NEK5: variants seen among roughly 807,000 people sequenced by gnomAD.
NEK5 encodes the protein serine/threonine-protein kinase Nek5.
In NEK5, 88 loss-of-function variants were observed where a neutral mutation model predicts 109.2. That is an observed-to-expected ratio of 0.81 (90% confidence interval 0.68 to 0.96). The LOEUF is 0.96. Ranked by LOEUF, NEK5 falls within the 40% of genes least tolerant of loss-of-function variation. NEK5 has a pLI of 0.00. For synonymous variants in NEK5, 283 were observed against 299.9 expected (o/e 0.94, Z 0.58); for missense variants, 834 against 920.7 (o/e 0.91, Z 1.22).
rs1237322929 is a variant in NEK5, at chr13:52,034,651, T to G, written c.*2297A>C. The G allele has an allele frequency of 6.7e-6, 1 of 150,002 alleles. No homozygotes were observed. 9.3% of individuals were successfully genotyped at this position (150,002 alleles called of 1,614,324 possible). ...AAGTGATCCTCCCGCCTCAGCCTCC[T>G]GAAGAGCTGGGACCAGAGGTGCACA... is the stretch of plus-strand genomic sequence containing the variant. On this transcript the variant is annotated 3_prime_UTR_variant, in exon 24 of 24. Transcript: ENST00000684899.
At chr13:52,067,752 C>T (rs941775025) in intron 20 of NEK5, among the ~76,000 whole-genome samples, 2 of 144,948 alleles carry the variant, frequency 1.4e-5, no homozygotes, top group African/African-American at 5.1e-5. Flanking sequence ...AGTGTGGTGG[C>T]ACAATCTTGT....
At chr13:52,063,122 A>C (rs930147878) in intron 21 of NEK5, among the ~76,000 whole-genome samples, 1 of 151,372 alleles carries the variant, frequency 6.6e-6, no homozygotes, top group Non-Finnish European at 1.5e-5. Context: ...TCTGATGCCG[A>C]GCTGAAGCTG....
Position 52,061,847 on chromosome 13 carries a change from A to T in NEK5, c.2082T>A (p.Ser694Arg), listed in dbSNP as rs575181231. 1.2e-4 allele frequency: 120 copies of T among 985,774 alleles called. 1 individual carries two copies. The South Asian group carries it at 5.1e-3, about 42-fold the overall frequency. The allele number at this position is 985,774 out of a possible 1,614,324, so 61.1% of individuals were successfully genotyped here. A position where few individuals can be genotyped will look rare whatever the true frequency, so the allele number is the denominator to read the frequency against. The change falls in exon 22 of 24, where the codon AGT (serine) becomes AGA (arginine). Residue 694 changes from serine (S) to arginine (R), a missense_variant. Coordinates refer to ENST00000684899, the MANE Select transcript of NEK5 (RefSeq NM_001365552.1). Reference sequence around the variant, plus strand: ...ATTCTTCATCGGCAGAAAATGAGCTACTCGTTAGATGTGCTGCTGCCAAAA... The same window carrying T: ...ATTCTTCATCGGCAGAAAATGAGCTTCTCGTTAGATGTGCTGCTGCCAAAA... The part of the protein sequence containing the change: ...MSVLAAAHLT[S>R]SSFSADEEFA...
At chr13:52,111,141 T>C (rs1334441984) in intron 5 of NEK5, among the ~76,000 whole-genome samples, 1 of 152,216 alleles carries the variant, frequency 6.6e-6, no homozygotes, top group Non-Finnish European at 1.5e-5. Context: ...TTTGATTTTA[T>C]CTTTGTTGAC....
chr13:52,111,076 T>C (rs1955749882), intron 5 of NEK5, among the ~76,000 whole-genome samples: 1 of 152,166 alleles, frequency 6.6e-6, no homozygotes, highest in African/African-American at 2.4e-5. Flanking sequence ...GTATATCTAA[T>C]ATAAAACCAA....
At chr13:52,074,054 A>C (rs555988216) in intron 19 of NEK5, among the ~76,000 whole-genome samples, 16 of 152,228 alleles carry the variant, frequency 1.1e-4, no homozygotes, top group Non-Finnish European at 2.1e-4. Context: ...ATACTGCCCA[A>C]AGTAATCTAT....
rs1033714458 is a variant in NEK5, at chr13:52,096,198, T to G, written c.1027-2963A>C. On this transcript the variant is annotated intron_variant, in intron 12 of 23. Coordinates refer to ENST00000684899, the MANE Select transcript of NEK5 (RefSeq NM_001365552.1). ...ATTACCCAGTCTCAGGTGTTCTTTATAGCAGTATGAGAATGGACTAACACA... is the reference window on the plus strand; with the variant it reads ...ATTACCCAGTCTCAGGTGTTCTTTAGAGCAGTATGAGAATGGACTAACACA... Among the ~76,000 whole-genome samples, 40 of 152,202 alleles carry G rather than the reference T, an allele frequency of 2.6e-4. 1 individual carries two copies. Among genetic ancestry groups the G allele is most frequent in the African/African-American group, 9.4e-4 (39 of 41,446 alleles).
chr13:52,101,959 G>A lies in NEK5; in HGVS notation c.866C>T (p.Ser289Phe), dbSNP rs1248575801. 3 of 1,614,098 alleles carry A rather than the reference G, an allele frequency of 1.9e-6. No homozygotes were observed. Among genetic ancestry groups the A allele is most frequent in the Non-Finnish European group, 2.5e-6 (3 of 1,179,996 alleles). ...CTGGACCACCTTCCCAGCATGTCGA[G>A]AAGCTGGCGCTCCTGCTCTGCATAT... ...MLICRAGAPASRHAGKVVQKC... is the reference protein window; with the variant it reads ...MLICRAGAPAFRHAGKVVQKC... Residue 289 changes from serine to phenylalanine, a missense_variant, in exon 11 of 24, where the codon TCT (serine) becomes TTT (phenylalanine). Physicochemically the swap from Ser to Phe is radical, Grantham distance 155 (BLOSUM62 -2). Transcript: ENST00000684899.
chr13:52,099,210 A>AT (rs78199529), intron 12 of NEK5, among the ~76,000 whole-genome samples: 9 of 150,912 alleles, frequency 6.0e-5, no homozygotes, highest in South Asian at 4.2e-4. Context: ...ACCCACAAAA[A>AT]TTTTTTTTTT....
chr13:52,036,462 CT>C lies in NEK5; in HGVS notation c.*485del, dbSNP rs1395990655. 2.8e-3 allele frequency: 399 copies of C among 143,966 alleles called. No individual in the cohort carries two copies. The highest frequency in any genetic ancestry group is 2.7e-3 in the Admixed American group (39 of 14,282). 8.9% of individuals were successfully genotyped at this position (143,966 alleles called of 1,614,324 possible). Reference sequence around the variant, plus strand: ...GCCTACCACATATATTAGCTGAAAGCTTTTTTTTTTTTTTCTTTTTTTGAGA... The same window carrying C: ...GCCTACCACATATATTAGCTGAAAGCTTTTTTTTTTTTTCTTTTTTTGAGA... On this transcript the variant is annotated 3_prime_UTR_variant, in exon 24 of 24. Transcript: ENST00000684899.
intron 7 of NEK5, among the ~76,000 whole-genome samples, chr13:52,109,325 A>C (rs1039811486): frequency 6.6e-6 from 1 of 152,164 alleles, no homozygotes; most frequent in African/African-American, 2.4e-5. Context: ...ACCAGCATTA[A>C]CATTAAAACA....
chr13:52,064,487 G>A (rs1306995706), intron 21 of NEK5, among the ~76,000 whole-genome samples: 2 of 147,126 alleles, frequency 1.4e-5, no homozygotes, highest in South Asian at 2.2e-4. Context: ...CGCCCCGTCT[G>A]GGAGGGAGGT....
intron 7 of NEK5, among the ~76,000 whole-genome samples, chr13:52,110,025 G>A (rs1054485062): frequency 6.6e-6 from 1 of 152,132 alleles, no homozygotes; most frequent in Non-Finnish European, 1.5e-5. Context: ...ATTTTATAGA[G>A]TTTGACTTTT....
chr13:52,093,155 C>G lies in NEK5; in HGVS notation c.1107G>C (p.Arg369Ser), dbSNP rs1172030985. 2 of 1,613,122 alleles carry G rather than the reference C, an allele frequency of 1.2e-6. No homozygotes were observed. Among genetic ancestry groups the G allele is most frequent in the Admixed American group, 3.3e-5 (2 of 59,990 alleles). ...GATAACTTGGTTTGTGGGCTCTCCT[C>G]CTCAGCATATCAAGTTGAGCATAAT... ...DYYYAQLDML[R>S]RRAHKPSYHP... The change falls in exon 13 of 24, where the codon AGG becomes AGC. Residue 369 changes from arginine (R) to serine (S), a missense_variant. Coordinates refer to ENST00000684899, the MANE Select transcript of NEK5 (RefSeq NM_001365552.1).
intron 3 of NEK5, among the ~76,000 whole-genome samples, chr13:52,125,893 C>T (rs61957231): frequency 0.033 from 5,077 of 152,140 alleles, 128 homozygotes; most frequent in South Asian, 0.09. Context: ...GCCATGGATT[C>T]ACAAAAAGAG....
chr13:52,085,433 C>T (rs1259729852), intron 16 of NEK5, among the ~76,000 whole-genome samples: 1 of 152,190 alleles, frequency 6.6e-6, no homozygotes, highest in Non-Finnish European at 1.5e-5. Context: ...GCCTGGCAAA[C>T]ACAACTGAAT....
intron 14 of NEK5, 113 bp downstream of exon 14, chr13:52,089,134 T>TA: frequency 1.6e-6 from 1 of 642,254 alleles, no homozygotes; most frequent in Non-Finnish European, 2.8e-6. Flanking sequence ...AACTGGGGAC[T>TA]AGTAGAGAGT....
chr13:52,064,507 AG>A (rs1353778904), intron 21 of NEK5, among the ~76,000 whole-genome samples: 1 of 145,146 alleles, frequency 6.9e-6, no homozygotes, highest in African/African-American at 2.6e-5. Context: ...TGGGGGGGTC[AG>A]CCCCCCGCCT....
At chr13:52,120,467 A>C (rs1446965481) in intron 3 of NEK5, among the ~76,000 whole-genome samples, 1 of 152,136 alleles carries the variant, frequency 6.6e-6, no homozygotes, top group Admixed American at 6.5e-5. Flanking sequence ...TATAATATAA[A>C]AATTGATGGC....
Sources: gnomAD v4.1 joint callset for allele counts (sites outside exome capture counted in the v4.1 genomes callset) on GRCh38, gnomAD v4.1.1 for gene constraint, MANE v1.5 for transcripts, NCBI Gene and HGNC (gene_info 2026-07-23, HGNC 2026-07-21) for gene names.